GAREM1: variants seen among roughly 807,000 people sequenced by gnomAD.
The protein encoded by GAREM1 is GRB2 associated regulator of MAPK1 subtype 1, also known as GRB2-associated and regulator of MAPK protein 1.
Under a neutral mutation model 71.3 loss-of-function variants are expected in GAREM1, and 26 were observed. The ratio of observed to expected loss-of-function variants is 0.36; its 90% confidence interval spans 0.27 to 0.51. The LOEUF (loss-of-function observed/expected upper bound fraction) is 0.51. GAREM1 is among the 20% of genes least tolerant of loss of function. The probability of loss-of-function intolerance (pLI) is 0.95; values close to 1 mark genes in which losing one functional copy is unlikely to be tolerated. For synonymous variants in GAREM1, 440 were observed against 433.2 expected, an observed-to-expected ratio of 1.02 and a Z score of -0.20; for missense variants, 1,026 against 1,103.1, an observed-to-expected ratio of 0.93 and a Z score of 0.99.
chr18:32,405,579 T>C (rs573971591), intron 1 of GAREM1, among the ~76,000 whole-genome samples: 1 of 152,306 alleles, frequency 6.6e-6, no homozygotes, highest in African/African-American at 2.4e-5. Flanking sequence ...TCCTTCCAGG[T>C]GCACAGTAGA....
At chr18:32,276,091 G>A (rs2041539015) in intron 4 of GAREM1, among the ~76,000 whole-genome samples, 1 of 152,242 alleles carries the variant, frequency 6.6e-6, no homozygotes, top group Non-Finnish European at 1.5e-5. Context: ...CAGGAATGCA[G>A]AGCTAAACAG....
intron 2 of GAREM1, among the ~76,000 whole-genome samples, chr18:32,349,003 G>A (rs2047722672): frequency 6.6e-6 from 1 of 152,108 alleles, no homozygotes; most frequent in Non-Finnish European, 1.5e-5. Flanking sequence ...TTCTGAACAT[G>A]TAGTTAAAAC....
At chr18:32,441,684 C>T (rs1016533573) in intron 1 of GAREM1, among the ~76,000 whole-genome samples, 6 of 152,136 alleles carry the variant, frequency 3.9e-5, no homozygotes, top group Non-Finnish European at 7.4e-5. Context: ...TTCAGTCATC[C>T]GATCCAAATC....
At chr18:32,270,455 G>A (rs2041444016) in intron 4 of GAREM1, 72 bp from the exon 5 acceptor site, 1 of 1,348,520 alleles carries the variant, frequency 7.4e-7, no homozygotes, top group African/African-American at 1.5e-5. Flanking sequence ...CAATCCTGAA[G>A]ACTTGCTCAA....
At position 32,286,932 on chromosome 18, in the gene GAREM1, G is replaced by GA. The variant is rs145330437; in HGVS notation, c.1566+98_1566+99insT. ...CAAACTAAACAAATTTGCTCACTCTGCAATCTTCAGTTGGGGAGTTTTAAG... is the reference window on the plus strand; with the variant it reads ...CAAACTAAACAAATTTGCTCACTCTGACAATCTTCAGTTGGGGAGTTTTAAG... On this transcript the variant is annotated intron_variant, in intron 4 of 5. Coordinates refer to ENST00000269209, the MANE Select transcript of GAREM1 (RefSeq NM_001242409.2). The GA allele has an allele frequency of 1.6e-3, 1,404 of 863,186 alleles. 18 individuals carry two copies. The African/African-American group carries it at 0.021, about 13-fold the overall frequency. The allele number at this position is 863,186 out of a possible 1,614,324, so 53.5% of individuals were successfully genotyped here. A position where few individuals can be genotyped will look rare whatever the true frequency, so the allele number is the denominator to read the frequency against.
intron 1 of GAREM1, among the ~76,000 whole-genome samples, chr18:32,414,390 T>G (rs2048448129): frequency 6.6e-6 from 1 of 151,882 alleles, no homozygotes; most frequent in African/African-American, 2.4e-5. Flanking sequence ...AACATATGAG[T>G]TATTTTTTTC....
chr18:32,398,334 T>C lies in GAREM1; in HGVS notation c.122-5299A>G, dbSNP rs180768397. 9.9e-4 allele frequency among the ~76,000 whole-genome samples: 150 copies of C among 151,894 alleles called. 1 individual carries two copies. In the East Asian group the frequency reaches 0.018, roughly 19 times the overall value. On this transcript the variant is annotated intron_variant, in intron 1 of 5. Transcript: ENST00000269209. ...AAGATCAGAACAGAACTGAAGGAGA[T>C]AGAGACACAAAGAACCCTTCAAAAA...
intron 1 of GAREM1, among the ~76,000 whole-genome samples, chr18:32,459,288 AGC>A (rs2048929705): frequency 1.3e-5 from 2 of 152,268 alleles, no homozygotes; most frequent in East Asian, 3.9e-4. Flanking sequence ...GCTATATGAA[AGC>A]AAAACAAAAT....
chr18:32,328,069 T>G (rs923205793), intron 2 of GAREM1, among the ~76,000 whole-genome samples: 2 of 152,204 alleles, frequency 1.3e-5, no homozygotes, highest in Admixed American at 1.3e-4. Flanking sequence ...TTTAAACTAT[T>G]AGTCAAAATA....
rs1173799050 is a variant in GAREM1, at chr18:32,268,104, A to C, written c.2398T>G (p.Ser800Ala). The C allele has an allele frequency of 6.2e-7, 1 of 1,614,106 alleles. No homozygotes were observed. The highest frequency in any genetic ancestry group is 2.2e-5 in the East Asian group (1 of 44,860). ...AGGTCAGCAGGTGGCTGCCATGGGG[A>C]ACCGTCGCCACAGGATCTGGGGGCC... ...QLAPRSCGDG[S>A]PWQPPADLSG... The change falls in exon 6 of 6, where the codon TCC becomes GCC. Residue 800 changes from serine (S) to alanine (A), a missense_variant. By Grantham distance (99) the Ser-to-Ala change is moderately conservative. This residue lies in a region of GAREM1 where 636 missense variants were observed against 631.2 expected (regional missense o/e 1.01). Transcript: ENST00000269209.
intron 1 of GAREM1, among the ~76,000 whole-genome samples, chr18:32,397,963 T>C (rs950407182): frequency 6.6e-6 from 1 of 152,146 alleles, no homozygotes; most frequent in Non-Finnish European, 1.5e-5. Context: ...TAACGAACTG[T>C]CTCTCAGACC....
At chr18:32,453,677 G>A (rs528496672) in intron 1 of GAREM1, among the ~76,000 whole-genome samples, 1 of 152,264 alleles carries the variant, frequency 6.6e-6, no homozygotes, top group African/African-American at 2.4e-5. Context: ...CTCCTCTTAA[G>A]ACTGTTAATT....
At chr18:32,413,288 A>T in intron 1 of GAREM1, 1 of 1,307,222 alleles carries the variant, frequency 7.6e-7, no homozygotes, top group Non-Finnish European at 1.1e-6. Flanking sequence ...AGTCACTCAC[A>T]TTAAGTAGAT....
At chr18:32,445,146 C>A (rs550043232) in intron 1 of GAREM1, among the ~76,000 whole-genome samples, 2 of 152,248 alleles carry the variant, frequency 1.3e-5, no homozygotes, top group Non-Finnish European at 2.9e-5. Flanking sequence ...CCCCTGACCT[C>A]ATCATCTTAC....
At chr18:32,411,732 C>T (rs1470364756) in intron 1 of GAREM1, among the ~76,000 whole-genome samples, 3 of 151,944 alleles carry the variant, frequency 2.0e-5, no homozygotes, top group Non-Finnish European at 1.5e-5. Context: ...CCAAGGTTTC[C>T]GAAGACAATG....
Position 32,287,238 on chromosome 18 carries a change from G to A in GAREM1, c.1359C>T (p.Tyr453=), listed in dbSNP as rs149669931. Residue 453 remains tyrosine, a synonymous_variant, in exon 4 of 6, where the codon TAC becomes TAT. Transcript: ENST00000269209. The surrounding 1 kb of genome is among the most constrained non-coding windows in gnomAD (Gnocchi z 5.9). ...AGIPGKSELP[Y]EELWLEEGKP... ...TGCCTTCCTCCAGCCACAGCTCTTC[G>A]TAGGGAAGTTCTGACTTTCCCGGGA... 1.2e-5 allele frequency: 19 copies of A among 1,614,180 alleles called. No homozygotes were observed. Among genetic ancestry groups the A allele is most frequent in the South Asian group, 2.2e-5 (2 of 91,078 alleles).
chr18:32,296,123 C>G (rs936954256), intron 3 of GAREM1, among the ~76,000 whole-genome samples: 4 of 152,002 alleles, frequency 2.6e-5, no homozygotes, highest in African/African-American at 9.7e-5. Flanking sequence ...GCACCATGCT[C>G]AGCTAATTTT....
chr18:32,284,460 C>G (rs998903975), intron 4 of GAREM1, among the ~76,000 whole-genome samples: 1 of 152,068 alleles, frequency 6.6e-6, no homozygotes, highest in African/African-American at 2.4e-5. Flanking sequence ...TATTTATGTT[C>G]TTACTCATCT....
intron 2 of GAREM1, among the ~76,000 whole-genome samples, chr18:32,390,967 A>C (rs2048190054): frequency 6.6e-6 from 1 of 152,196 alleles, no homozygotes; most frequent in African/African-American, 2.4e-5. Flanking sequence ...ATAGCCACAA[A>C]GAATTTTCTT....
Sources: gnomAD v4.1 joint callset for allele counts (sites outside exome capture counted in the v4.1 genomes callset) on GRCh38, gnomAD v4.1.1 for gene constraint, gnomAD v4.1.1 regional missense constraint, Gnocchi (gnomAD v3.1) non-coding constraint, MANE v1.5 for transcripts, NCBI Gene and HGNC (gene_info 2026-07-23, HGNC 2026-07-21) for gene names.